Variants in RABGAP1L observed in about 807,000 individuals in gnomAD.
RABGAP1L encodes the protein rab GTPase-activating protein 1-like.
A neutral mutation model predicts 137.7 loss-of-function variants in RABGAP1L; 63 were observed. That is an observed-to-expected ratio of 0.46 (90% CI 0.37 to 0.56). The LOEUF (loss-of-function observed/expected upper bound fraction) is 0.56. RABGAP1L is among the 20% of genes least tolerant of loss of function. The pLI is 0.00. For missense variants in RABGAP1L, 1,095 were observed against 1,244.0 expected, an observed-to-expected ratio of 0.88 and a Z score of 1.80; for synonymous variants, 431 against 433.7, an observed-to-expected ratio of 0.99 and a Z score of 0.08.
chr1:174,443,884 A>G (rs1403675870), intron 13 of RABGAP1L, among the ~76,000 whole-genome samples: 2 of 151,804 alleles, frequency 1.3e-5, no homozygotes. Flanking sequence ...GTCTAGTTTT[A>G]TTTTTCTGCA....
chr1:174,362,015 A>C (rs943350250), intron 11 of RABGAP1L, among the ~76,000 whole-genome samples: 1 of 152,170 alleles, frequency 6.6e-6, no homozygotes, highest in African/African-American at 2.4e-5. Context: ...GCTCCCACTT[A>C]CAAGTGAGAA....
intron 13 of RABGAP1L, among the ~76,000 whole-genome samples, chr1:174,626,305 G>A (rs1672938130): frequency 6.6e-6 from 1 of 152,182 alleles, no homozygotes; most frequent in South Asian, 2.1e-4. Context: ...AGGCCTCAGT[G>A]CCTCCTAGTC....
intron 17 of RABGAP1L, among the ~76,000 whole-genome samples, chr1:174,731,299 C>G (rs1682449976): frequency 6.6e-6 from 1 of 152,062 alleles, no homozygotes; most frequent in South Asian, 2.1e-4. Context: ...TGGTGTAGCC[C>G]AGTGCATTCA....
intron 13 of RABGAP1L, among the ~76,000 whole-genome samples, chr1:174,621,664 A>G (rs1021266492): frequency 6.6e-6 from 1 of 152,192 alleles, no homozygotes; most frequent in African/African-American, 2.4e-5. Flanking sequence ...AGAAAGCTGA[A>G]ACTGGATCCC....
chr1:174,441,018 T>C (rs1300773033), intron 13 of RABGAP1L, among the ~76,000 whole-genome samples: 1 of 151,312 alleles, frequency 6.6e-6, no homozygotes, highest in Non-Finnish European at 1.5e-5. Context: ...GATGTTTTAA[T>C]AATGAAATAT....
chr1:174,364,429 T>C (rs1232321971), intron 11 of RABGAP1L, among the ~76,000 whole-genome samples: 2 of 150,298 alleles, frequency 1.3e-5, no homozygotes, highest in African/African-American at 4.9e-5. Context: ...TAATTTTTTG[T>C]ATTTTTAGTA....
intron 13 of RABGAP1L, among the ~76,000 whole-genome samples, chr1:174,444,770 T>A (rs935837715): frequency 1.3e-5 from 2 of 152,128 alleles, no homozygotes; most frequent in African/African-American, 4.8e-5. Flanking sequence ...TGTATTTCTG[T>A]GGAGTCAATT....
chr1:174,215,968 A>G (rs1255745804), intron 1 of RABGAP1L, among the ~76,000 whole-genome samples: 1 of 152,226 alleles, frequency 6.6e-6, no homozygotes, highest in African/African-American at 2.4e-5. Flanking sequence ...AGCCATAAAG[A>G]AGAAGGAGAT....
At chr1:174,878,453 T>C (rs1653522813) in intron 19 of RABGAP1L, among the ~76,000 whole-genome samples, 1 of 152,134 alleles carries the variant, frequency 6.6e-6, no homozygotes, top group South Asian at 2.1e-4. Context: ...CTCAAACTCC[T>C]GACCTCAGGT....
At chr1:174,390,892 C>T (rs913168792) in intron 12 of RABGAP1L, among the ~76,000 whole-genome samples, 2 of 152,008 alleles carry the variant, frequency 1.3e-5, no homozygotes, top group Admixed American at 6.6e-5. Context: ...TGCCTTTGAG[C>T]TTCTAGAACT....
At chr1:174,900,334 A>G (rs1431942081) in intron 19 of RABGAP1L, among the ~76,000 whole-genome samples, 1 of 152,206 alleles carries the variant, frequency 6.6e-6, no homozygotes, top group Non-Finnish European at 1.5e-5. Flanking sequence ...AATACTGTAG[A>G]GGTTTCCCAT....
chr1:174,479,490 A>G (rs998234526), intron 13 of RABGAP1L, among the ~76,000 whole-genome samples: 2 of 152,196 alleles, frequency 1.3e-5, no homozygotes, highest in African/African-American at 2.4e-5. Context: ...TAACACCACA[A>G]TTTGAGAAAC....
At chr1:174,612,142 A>G (rs1333075731) in intron 13 of RABGAP1L, among the ~76,000 whole-genome samples, 2 of 152,180 alleles carry the variant, frequency 1.3e-5, no homozygotes, top group Admixed American at 6.5e-5. Context: ...CCTGTTTTCA[A>G]AGGGAATGCT....
chr1:174,322,170 G>T (rs1571211700), intron 11 of RABGAP1L, among the ~76,000 whole-genome samples: 1 of 152,102 alleles, frequency 6.6e-6, no homozygotes, highest in East Asian at 1.9e-4. Context: ...ATGTCACAAA[G>T]ATTTTTTTCC....
chr1:174,740,038 A>G (rs906217592), intron 17 of RABGAP1L, among the ~76,000 whole-genome samples: 1 of 152,100 alleles, frequency 6.6e-6, no homozygotes, highest in Non-Finnish European at 1.5e-5. Flanking sequence ...TTCACTCTGT[A>G]TTTTTATGTG....
intron 19 of RABGAP1L, among the ~76,000 whole-genome samples, chr1:174,824,340 C>T (rs1430934479): frequency 1.3e-5 from 2 of 151,456 alleles, no homozygotes; most frequent in Non-Finnish European, 2.9e-5. Flanking sequence ...TATATTAGTA[C>T]AAAAATTAGC....
chr1:174,705,472 A>G (rs1304360725), intron 17 of RABGAP1L: 1 of 152,198 alleles, frequency 6.6e-6, no homozygotes, highest in African/African-American at 2.4e-5. Flanking sequence ...CATTAATATT[A>G]ATAAGAACAT....
chr1:174,324,577 G>A (rs969276370), intron 11 of RABGAP1L, among the ~76,000 whole-genome samples: 4 of 152,154 alleles, frequency 2.6e-5, no homozygotes, highest in African/African-American at 9.6e-5. Flanking sequence ...TGGAGATAAA[G>A]TCTTCAGAGT....
At chr1:174,319,040 T>C (rs892543381) in intron 11 of RABGAP1L, among the ~76,000 whole-genome samples, 2 of 152,124 alleles carry the variant, frequency 1.3e-5, no homozygotes, top group African/African-American at 2.4e-5. Context: ...ATTTTGTATA[T>C]TTTACATATT....
Sources: gnomAD v4.1 joint callset for allele counts (sites outside exome capture counted in the v4.1 genomes callset) on GRCh38, gnomAD v4.1.1 for gene constraint, MANE v1.5 for transcripts, NCBI Gene and HGNC (gene_info 2026-07-23, HGNC 2026-07-21) for gene names.